Variants in PDE1C observed in about 807,000 individuals in gnomAD.
The protein encoded by PDE1C is dual specificity calcium/calmodulin-dependent 3',5'-cyclic nucleotide phosphodiesterase 1C.
Under a neutral mutation model 93.1 loss-of-function variants are expected in PDE1C, and 62 were observed. That is an observed-to-expected ratio of 0.67 (90% confidence interval 0.54 to 0.82). PDE1C has a LOEUF of 0.82. PDE1C is among the 40% of genes least tolerant of loss of function. PDE1C has a pLI of 0.00. For missense variants in PDE1C, 742 were observed against 884.6 expected, an observed-to-expected ratio of 0.84 and a Z score of 2.04; for synonymous variants, 325 against 310.1, an observed-to-expected ratio of 1.05 and a Z score of -0.50.
the PDE1C span, among the ~76,000 whole-genome samples, chr7:31,737,963 C>T: frequency 6.6e-6 from 1 of 152,068 alleles, no homozygotes; most frequent in Non-Finnish European, 1.5e-5. Context: ...ACCTGAAAAA[C>T]CCTAGTAGAT....
intron 3 of PDE1C, among the ~76,000 whole-genome samples, chr7:32,116,116 C>T (rs1798972838): frequency 6.6e-6 from 1 of 152,206 alleles, no homozygotes; most frequent in African/African-American, 2.4e-5. Context: ...GGCATAAGCA[C>T]AATTAAGGTA....
At chr7:31,750,298 C>T (rs911875956), downstream of PDE1C, among the ~76,000 whole-genome samples, 4 of 23,482 alleles carry the variant, frequency 1.7e-4, no homozygotes, top group Non-Finnish European at 0.012. Context: ...CCCAAGGAGG[C>T]CAAGGGCGTG....
At chr7:32,397,858 CA>C (rs757982405) in intron 1 of PDE1C, among the ~76,000 whole-genome samples, 113 of 135,092 alleles carry the variant, frequency 8.4e-4, no homozygotes, top group Admixed American at 9.1e-4. Flanking sequence ...ACTAAAGATA[CA>C]AAAAAAAAAA....
intron 1 of PDE1C, among the ~76,000 whole-genome samples, chr7:32,066,297 T>C (rs1196227955): frequency 1.3e-5 from 2 of 152,298 alleles, no homozygotes; most frequent in African/African-American, 2.4e-5. Context: ...GCTTGCTGCA[T>C]AGACAAAAAC....
chr7:32,178,476 T>C (rs6972483), intron 2 of PDE1C, among the ~76,000 whole-genome samples: 1,984 of 152,350 alleles, frequency 0.013, 47 homozygotes, highest in African/African-American at 0.045. Context: ...GAAATGTTTC[T>C]GACTAAATAG....
At chr7:31,775,802 A>T in intron 16 of PDE1C, 70 bp from the exon 17 acceptor site, 1 of 1,291,348 alleles carries the variant, frequency 7.7e-7, no homozygotes, top group Non-Finnish European at 1.1e-6. Context: ...GTAAATGTTC[A>T]TCTGAAATGT....
intron 2 of PDE1C, among the ~76,000 whole-genome samples, chr7:31,998,010 TTTTA>T (rs201906660): frequency 1.5e-4 from 22 of 148,760 alleles, no homozygotes; most frequent in Admixed American, 2.7e-4. Flanking sequence ...TTTATTTTAT[TTTTA>T]TTTATTTATT....
intron 1 of PDE1C, among the ~76,000 whole-genome samples, chr7:32,060,447 T>A (rs1300295941): frequency 6.6e-6 from 1 of 152,222 alleles, no homozygotes; most frequent in African/African-American, 2.4e-5. Context: ...TCCAAAATCC[T>A]ATCTTGTAGT....
intron 2 of PDE1C, among the ~76,000 whole-genome samples, chr7:31,918,857 T>C (rs570658473): frequency 1.4e-4 from 22 of 152,328 alleles, no homozygotes; most frequent in African/African-American, 5.3e-4. Context: ...TACTATACTA[T>C]GTGATACCAC....
chr7:32,419,427 TC>T (rs942049589), intron 1 of PDE1C, among the ~76,000 whole-genome samples: 5 of 151,668 alleles, frequency 3.3e-5, no homozygotes, highest in African/African-American at 9.7e-5. Flanking sequence ...ACCCGGAGAG[TC>T]TCCTTTGGAG....
chr7:32,358,552 G>A (rs1289745453), intron 1 of PDE1C, among the ~76,000 whole-genome samples: 5 of 152,082 alleles, frequency 3.3e-5, no homozygotes, highest in African/African-American at 1.2e-4. Flanking sequence ...GTGGGGGTGT[G>A]GAAAGTGGGG....
intron 1 of PDE1C, among the ~76,000 whole-genome samples, chr7:32,419,413 C>A (rs1785341524): frequency 1.3e-5 from 2 of 152,212 alleles, no homozygotes; most frequent in African/African-American, 2.4e-5. Context: ...ACTACTCCCT[C>A]CCTACCCGGA....
the PDE1C span, among the ~76,000 whole-genome samples, chr7:31,647,662 A>C: frequency 8.1e-4 from 96 of 117,800 alleles, no homozygotes; most frequent in East Asian, 0.023. Flanking sequence ...CAACAGAGAG[A>C]GTCTCCGTCT....
intron 16 of PDE1C, among the ~76,000 whole-genome samples, chr7:31,794,287 G>A (rs775932067): frequency 6.6e-6 from 1 of 151,850 alleles, no homozygotes; most frequent in South Asian, 2.1e-4. Flanking sequence ...AAGTAATTGC[G>A]GTCTTTACCA....
chr7:32,291,515 A>C (rs1812325347), intron 1 of PDE1C, among the ~76,000 whole-genome samples: 1 of 152,256 alleles, frequency 6.6e-6, no homozygotes, highest in African/African-American at 2.4e-5. Context: ...AATAGCTGGA[A>C]TGCCCAAGCA....
chr7:32,129,568 T>A (rs1799810251), intron 3 of PDE1C, among the ~76,000 whole-genome samples: 1 of 151,988 alleles, frequency 6.6e-6, no homozygotes, highest in South Asian at 2.1e-4. Context: ...CTCTTTGTCA[T>A]GAGGTTAACA....
At chr7:31,697,265 C>T in the PDE1C span, 5 of 995,578 alleles carry the variant, frequency 5.0e-6, no homozygotes, top group Non-Finnish European at 7.2e-6. Flanking sequence ...ACACTCAGTG[C>T]TACCTTTTAG....
intron 2 of PDE1C, among the ~76,000 whole-genome samples, chr7:31,989,926 T>C (rs1004113905): frequency 9.9e-5 from 15 of 152,224 alleles, no homozygotes; most frequent in Non-Finnish European, 2.2e-4. Flanking sequence ...CAATTATTCA[T>C]TAACTACTTA....
chr7:32,196,777 A>C (rs571338998), intron 2 of PDE1C, among the ~76,000 whole-genome samples: 1 of 152,374 alleles, frequency 6.6e-6, no homozygotes, highest in Non-Finnish European at 1.5e-5. Context: ...GTAAGGATTT[A>C]AAACAAAGTT....
Sources: allele counts gnomAD v4.1 joint callset (sites outside exome capture counted in the v4.1 genomes callset), GRCh38; gene constraint gnomAD v4.1.1; transcripts MANE v1.5; gene names NCBI Gene and HGNC (gene_info 2026-07-23, HGNC 2026-07-21).